OIT3: variants seen among roughly 807,000 people sequenced by gnomAD.
OIT3 encodes the protein oncoprotein-induced transcript 3 protein.
Under a neutral mutation model 52.2 loss-of-function variants are expected in OIT3, and 41 were observed. The observed-to-expected ratio is 0.79, with a 90% CI of 0.61 to 1.02. OIT3 has a LOEUF of 1.02. Among genes scored for constraint, OIT3 ranks in the 50% least tolerant of loss-of-function variants. The probability of loss-of-function intolerance (pLI) is 0.00; values close to 1 mark genes in which losing one functional copy is unlikely to be tolerated. For synonymous variants in OIT3, 244 were observed against 276.9 expected (o/e 0.88, Z 1.18); for missense variants, 634 against 715.5 (o/e 0.89, Z 1.30).
At chr10:72,907,112 A>T (rs1404574488) in intron 4 of OIT3, among the ~76,000 whole-genome samples, 1 of 152,080 alleles carries the variant, frequency 6.6e-6, no homozygotes, top group East Asian at 1.9e-4. Flanking sequence ...ACAGAAAATT[A>T]AAAAATAAAA....
chr10:72,928,965 G>C (rs1846191361), intron 7 of OIT3, among the ~76,000 whole-genome samples: 1 of 152,102 alleles, frequency 6.6e-6, no homozygotes, highest in Non-Finnish European at 1.5e-5. Context: ...TCAGCACTTT[G>C]GGAGGCCGAG....
chr10:72,925,517 C>G (rs1341841170), intron 7 of OIT3, among the ~76,000 whole-genome samples: 3 of 152,208 alleles, frequency 2.0e-5, no homozygotes, highest in Non-Finnish European at 4.4e-5. Flanking sequence ...ATAAATTCCT[C>G]TTTTAAGAAG....
chr10:72,914,296 G>C (rs1029862609), intron 6 of OIT3, among the ~76,000 whole-genome samples: 1 of 152,152 alleles, frequency 6.6e-6, no homozygotes, highest in African/African-American at 2.4e-5. Flanking sequence ...ATCTGGATTT[G>C]ATCCCACAGA....
At chr10:72,899,099 T>C in intron 2 of OIT3, 61 bp downstream of exon 2, 1 of 1,502,428 alleles carries the variant, frequency 6.7e-7, no homozygotes, top group Non-Finnish European at 9.0e-7. Context: ...AGTCCAAAAG[T>C]GCCAATTATA....
In OIT3 at chr10:72,924,543, C is replaced by T. The variant is rs12260002; in HGVS notation, c.1266C>T (p.Pro422=). The T allele has an allele frequency of 2.1e-3, 3,382 of 1,614,090 alleles. 60 individuals are homozygous for T. The African/African-American group carries it at 0.037, about 18-fold the overall frequency. ...ACTCCCTCTACTTTGGCATTGAGCC[C>T]GTGGTGCACGTGAGCGGCTTGGAAA... ...LRDSLYFGIE[P]VVHVSGLESL... is the part of the protein sequence containing the mutation. The change falls in exon 7 of 9, where the codon CCC becomes CCT. Residue 422 remains proline (P), a synonymous_variant. Coordinates refer to ENST00000334011, the MANE Select transcript of OIT3 (RefSeq NM_152635.3).
Position 72,924,712 on chromosome 10 carries a change from C to T in OIT3, c.1367+68C>T. ...TCCGGCCTCTAAGTTCACAGCACACCCAGTCATTTACTAAAACTGCATGGT... is the reference window on the plus strand; with the variant it reads ...TCCGGCCTCTAAGTTCACAGCACACTCAGTCATTTACTAAAACTGCATGGT... On this transcript the variant is annotated intron_variant, in intron 7 of 8. Coordinates refer to ENST00000334011, the MANE Select transcript of OIT3 (RefSeq NM_152635.3). 2.4e-6 allele frequency: 3 copies of T among 1,264,540 alleles called. 1 individual carries two copies. The highest frequency in any genetic ancestry group is 2.9e-5 in the South Asian group (2 of 68,230). The allele number at this position is 1,264,540 out of a possible 1,614,324, so 78.3% of individuals were successfully genotyped here. A position where few individuals can be genotyped will look rare whatever the true frequency, so the allele number is the denominator to read the frequency against.
rs564941791 is a variant in OIT3, at chr10:72,901,634, G to A, written c.544+1150G>A. Among the ~76,000 whole-genome samples, 32 of 152,030 alleles carry A rather than the reference G, an allele frequency of 2.1e-4. 1 individual carries two copies. The highest frequency in any genetic ancestry group is 3.2e-4 in the Non-Finnish European group (22 of 67,996). On this transcript the variant is annotated intron_variant, in intron 3 of 8. Coordinates refer to ENST00000334011, the MANE Select transcript of OIT3 (RefSeq NM_152635.3). ...TGTTTGTTTGTTTGTTTGTTTTTGA[G>A]ACAGGATCTTGCTCTGTCGCCCAGG...
chr10:72,913,654 A>G (rs760531658), intron 6 of OIT3, 186 bp downstream of exon 6: 7 of 689,592 alleles, frequency 1.0e-5, no homozygotes, highest in Non-Finnish European at 1.9e-5. Flanking sequence ...TGGTCCTGGC[A>G]CTGTGAAGAA....
At chr10:72,896,948 G>T (rs980538928) in intron 1 of OIT3, among the ~76,000 whole-genome samples, 2 of 152,236 alleles carry the variant, frequency 1.3e-5, no homozygotes, top group African/African-American at 2.4e-5. Context: ...TTTCCCTGGA[G>T]TTAAGGGGAG....
intron 8 of OIT3, among the ~76,000 whole-genome samples, chr10:72,931,753 T>A: frequency 6.6e-6 from 1 of 152,246 alleles, no homozygotes; most frequent in East Asian, 1.9e-4. Context: ...TTTTTATCAT[T>A]GTTGTTAGAG....
rs770905757 is a variant in OIT3, at chr10:72,913,456, T to C, written c.939T>C (p.Gly313=). Residue 313 remains glycine, a synonymous_variant, in exon 6 of 9, where the codon GGT becomes GGC. Coordinates refer to ENST00000334011, the MANE Select transcript of OIT3 (RefSeq NM_152635.3). ...VNILFSLKTC[G]TVVDVVNDKI... Reference sequence around the variant, plus strand: ...TCCTCTTCTCTCTCAAGACATGTGGTACAGTGGTCGATGTAGGTTCCTCCT... The same window carrying C: ...TCCTCTTCTCTCTCAAGACATGTGGCACAGTGGTCGATGTAGGTTCCTCCT... 2.5e-6 allele frequency: 4 copies of C among 1,607,930 alleles called. No homozygotes were observed. In the Admixed American group the frequency reaches 5.0e-5, roughly 20 times the overall value.
chr10:72,905,332 G>A (rs1222103472), intron 3 of OIT3, among the ~76,000 whole-genome samples: 6 of 152,206 alleles, frequency 3.9e-5, no homozygotes, highest in Middle Eastern at 3.4e-3. Context: ...TTAGCTGGGC[G>A]TGGTGGTGCG....
chr10:72,895,901 G>A (rs1321050386), intron 1 of OIT3, among the ~76,000 whole-genome samples: 1 of 152,272 alleles, frequency 6.6e-6, no homozygotes, highest in East Asian at 1.9e-4. Flanking sequence ...CAGATTCTGG[G>A]CTTCACGCTG....
intron 7 of OIT3, among the ~76,000 whole-genome samples, chr10:72,929,627 G>A (rs762582673): frequency 8.0e-5 from 12 of 150,340 alleles, no homozygotes; most frequent in Non-Finnish European, 1.5e-4. Context: ...GGCTAATCTC[G>A]AACTCTGGGG....
rs1039587695 is a variant in OIT3 at position 72,924,862 on chromosome 10, A to G, written c.1367+218A>G. Reference sequence around the variant, plus strand: ...TGCAGTGGTTCACACCTGTAATCCCAGCACTTTGGGAGCCAAGGCGGGTGG... The same window carrying G: ...TGCAGTGGTTCACACCTGTAATCCCGGCACTTTGGGAGCCAAGGCGGGTGG... On this transcript the variant is annotated intron_variant, in intron 7 of 8. Transcript: ENST00000334011. 1.6e-4 allele frequency among the ~76,000 whole-genome samples: 24 copies of G among 152,192 alleles called. 2 individuals carry two copies. The highest frequency in any genetic ancestry group is 5.6e-4 in the African/African-American group (23 of 41,440).
chr10:72,902,364 T>C (rs1012502872), intron 3 of OIT3, among the ~76,000 whole-genome samples: 32 of 152,134 alleles, frequency 2.1e-4, no homozygotes, highest in Admixed American at 7.2e-4. Context: ...GGTTCCCAAA[T>C]TAAACAACAT....
intron 2 of OIT3, among the ~76,000 whole-genome samples, chr10:72,899,899 T>C (rs139164923): frequency 6.6e-6 from 1 of 152,324 alleles, no homozygotes; most frequent in African/African-American, 2.4e-5. Context: ...TCAATGTCTG[T>C]ATTCATTTTT....
chr10:72,924,328 C>T lies in OIT3; in HGVS notation c.1051C>T (p.Leu351=), dbSNP rs1434843118. The T allele has an allele frequency of 1.2e-6, 2 of 1,614,192 alleles. No homozygotes were observed. The highest frequency in any genetic ancestry group is 1.7e-5 in the Admixed American group (1 of 60,028). The change falls in exon 7 of 9, where the codon CTG becomes TTG. Residue 351 remains leucine, a synonymous_variant. Transcript: ENST00000334011. ...CTTCATCATCCGAACCAGCAAGCTGCTGATCCCGGTGACCTGCGAGTTTCC... is the reference window on the plus strand; with the variant it reads ...CTTCATCATCCGAACCAGCAAGCTGTTGATCCCGGTGACCTGCGAGTTTCC... ...GDFIIRTSKL[L]IPVTCEFPRL... is the part of the protein sequence containing the mutation.
At chr10:72,895,759 C>T (rs973435310) in intron 1 of OIT3, among the ~76,000 whole-genome samples, 1 of 152,148 alleles carries the variant, frequency 6.6e-6, no homozygotes, top group African/African-American at 2.4e-5. Context: ...TGGAAGACAG[C>T]AGAGGGGCAG....
Sources: gnomAD v4.1 joint callset for allele counts (sites outside exome capture counted in the v4.1 genomes callset) on GRCh38, gnomAD v4.1.1 for gene constraint, MANE v1.5 for transcripts, NCBI Gene and HGNC (gene_info 2026-07-23, HGNC 2026-07-21) for gene names.